The following CPEB3 variants were observed in gnomAD, a reference collection of about 807,000 sequenced individuals.
CPEB3 encodes cytoplasmic polyadenylation element binding protein 3, also known as cytoplasmic polyadenylation element-binding protein 3.
Under a neutral mutation model 67.2 loss-of-function variants are expected in CPEB3, and 20 were observed. The ratio of observed to expected loss-of-function variants is 0.30; its 90% CI spans 0.21 to 0.43. The LOEUF is 0.43. Among genes scored for constraint, CPEB3 ranks in the 20% least tolerant of loss-of-function variants. CPEB3 has a pLI of 1.00. For synonymous variants in CPEB3, 376 were observed against 393.1 expected, an observed-to-expected ratio of 0.96 and a Z score of 0.51; for missense variants, 746 against 968.6, an observed-to-expected ratio of 0.77 and a Z score of 3.05.
chr10:92,220,096 G>A (rs962788526), intron 2 of CPEB3, among the ~76,000 whole-genome samples: 3 of 152,002 alleles, frequency 2.0e-5, no homozygotes, highest in Non-Finnish European at 2.9e-5. Context: ...TGGAGGTTGC[G>A]GTGAGCGGAG....
At chr10:92,054,064 T>G (rs1017059443) in intron 9 of CPEB3, among the ~76,000 whole-genome samples, 5 of 152,224 alleles carry the variant, frequency 3.3e-5, no homozygotes, top group Non-Finnish European at 5.9e-5. Context: ...ATGTGCTTGT[T>G]GTCCATTTGT....
intron 4 of CPEB3, among the ~76,000 whole-genome samples, chr10:92,176,114 A>G (rs1200571175): frequency 6.8e-6 from 1 of 147,850 alleles, no homozygotes; most frequent in African/African-American, 2.5e-5. Context: ...AAATGTAACC[A>G]AATGACTTAC....
intron 9 of CPEB3, among the ~76,000 whole-genome samples, chr10:92,054,690 C>T (rs1479638012): frequency 6.6e-6 from 1 of 152,170 alleles, no homozygotes; most frequent in Non-Finnish European, 1.5e-5. Flanking sequence ...GATCCACCTG[C>T]CTTGGCCTCT....
intron 6 of CPEB3, among the ~76,000 whole-genome samples, chr10:92,132,705 A>C (rs1347003534): frequency 6.6e-6 from 1 of 152,196 alleles, no homozygotes; most frequent in Non-Finnish European, 1.5e-5. Flanking sequence ...CCAAATCAAC[A>C]GAACATACGT....
intron 4 of CPEB3, among the ~76,000 whole-genome samples, chr10:92,158,768 A>C (rs1334173303): frequency 6.6e-6 from 1 of 152,196 alleles, no homozygotes. Flanking sequence ...TTAATAATAC[A>C]GTGCTTTAAA....
intron 4 of CPEB3, among the ~76,000 whole-genome samples, chr10:92,162,810 C>T (rs1847553259): frequency 6.6e-6 from 1 of 152,128 alleles, no homozygotes; most frequent in South Asian, 2.1e-4. Flanking sequence ...ACATGTGACT[C>T]CCCAAGGGAA....
chr10:92,222,191 CCT>C (rs1430942570), intron 2 of CPEB3, among the ~76,000 whole-genome samples: 7 of 151,350 alleles, frequency 4.6e-5, no homozygotes, highest in Non-Finnish European at 8.8e-5. Flanking sequence ...TGTCTCCAAA[CCT>C]CTTTTTTTTT....
intron 1 of CPEB3, among the ~76,000 whole-genome samples, chr10:92,277,033 G>A (rs576267723): frequency 1.3e-5 from 2 of 152,022 alleles, no homozygotes; most frequent in Non-Finnish European, 2.9e-5. Context: ...ATATTATTGA[G>A]TTGAAGAGAT....
intron 3 of CPEB3, among the ~76,000 whole-genome samples, chr10:92,181,222 T>C (rs534773655): frequency 6.6e-6 from 1 of 150,674 alleles, no homozygotes; most frequent in African/African-American, 2.4e-5. Flanking sequence ...CAACAACAAA[T>C]AAATAAAAAA....
chr10:92,164,173 A>G (rs1227444093), intron 4 of CPEB3, among the ~76,000 whole-genome samples: 2 of 152,194 alleles, frequency 1.3e-5, no homozygotes, highest in Non-Finnish European at 2.9e-5. Flanking sequence ...CAAGGCAGCT[A>G]TCATTATACA....
chr10:92,146,360 C>T (rs1846680222), intron 4 of CPEB3, among the ~76,000 whole-genome samples: 1 of 151,732 alleles, frequency 6.6e-6, no homozygotes, highest in Non-Finnish European at 1.5e-5. Flanking sequence ...CACTAGGTTC[C>T]ACTCTAAAAA....
Position 92,048,617 on chromosome 10 carries a change from A to G in CPEB3, c.*3595T>C, listed in dbSNP as rs1397707118. ...ACACTAAACCACTGTGATAAAGGAA[A>G]AGGCTTCTCAAAATCTCACATGTTC... On this transcript the variant is annotated 3_prime_UTR_variant, in exon 10 of 10. Transcript: ENST00000265997. The surrounding 1 kb of genome is among the most constrained non-coding windows in gnomAD (Gnocchi z 4.1). The G allele has an allele frequency of 6.6e-6, 1 of 152,496 alleles. No individual in the cohort carries two copies. The highest frequency in any genetic ancestry group is 1.5e-5 in the Non-Finnish European group (1 of 68,012). 9.4% of individuals were successfully genotyped at this position (152,496 alleles called of 1,614,324 possible).
rs954834725 is a variant in CPEB3 at position 92,085,287 on chromosome 10, G to T, written c.1688-3786C>A. ...CAGACAGTGCTCATTGGTCTGTCTGGTCATGGTGGGAAGATGGCGGTCTAA... is the reference window on the plus strand; with the variant it reads ...CAGACAGTGCTCATTGGTCTGTCTGTTCATGGTGGGAAGATGGCGGTCTAA... On this transcript the variant is annotated intron_variant, in intron 8 of 9. Coordinates refer to ENST00000265997, the MANE Select transcript of CPEB3 (RefSeq NM_014912.5). Among the ~76,000 whole-genome samples the T allele has an allele frequency of 3.9e-5, 6 of 152,122 alleles. No individual in the cohort carries two copies. In the South Asian group the frequency reaches 1.2e-3, roughly 32 times the overall value.
At chr10:92,262,029 A>G (rs187604585) in intron 1 of CPEB3, among the ~76,000 whole-genome samples, 1 of 152,282 alleles carries the variant, frequency 6.6e-6, no homozygotes, top group East Asian at 1.9e-4. Flanking sequence ...GCTCTAACCA[A>G]CTGAAGCAAT....
intron 7 of CPEB3, among the ~76,000 whole-genome samples, chr10:92,098,776 T>C (rs1034178646): frequency 2.8e-5 from 4 of 145,398 alleles, no homozygotes; most frequent in African/African-American, 5.2e-5. Flanking sequence ...TTTTCTTTTT[T>C]TTTTTTTTTT....
chr10:92,114,678 A>C (rs758933023), intron 6 of CPEB3, among the ~76,000 whole-genome samples: 3 of 152,204 alleles, frequency 2.0e-5, no homozygotes, highest in Non-Finnish European at 4.4e-5. Context: ...CTTTATATTT[A>C]AGGAAATTAC....
At position 92,177,536 on chromosome 10, in the gene CPEB3, A is replaced by T. The variant is rs189721267; in HGVS notation, c.1222+3427T>A. 4.1e-4 allele frequency among the ~76,000 whole-genome samples: 63 copies of T among 152,344 alleles called. No homozygotes were observed. The East Asian group carries it at 0.012, about 28-fold the overall frequency. ...TAGATTCATGGTCTTGAACAGGAAA[A>T]ATCAGTAGACTCTTTGGTTTACACA... On this transcript the variant is annotated intron_variant, in intron 4 of 9. Transcript: ENST00000265997.
At chr10:92,073,789 A>T (rs921229511) in intron 9 of CPEB3, among the ~76,000 whole-genome samples, 2 of 152,034 alleles carry the variant, frequency 1.3e-5, no homozygotes, top group Non-Finnish European at 1.5e-5. Context: ...AGGGCGTCCA[A>T]AAAAGACAGC....
intron 7 of CPEB3, among the ~76,000 whole-genome samples, chr10:92,094,866 A>C (rs996476902): frequency 1.3e-5 from 2 of 151,586 alleles, no homozygotes; most frequent in African/African-American, 4.9e-5. Context: ...TCTACACATA[A>C]TCTCTCTTCT....
Sources: allele counts gnomAD v4.1 joint callset (sites outside exome capture counted in the v4.1 genomes callset), GRCh38; gene constraint gnomAD v4.1.1; non-coding constraint Gnocchi (gnomAD v3.1); transcripts MANE v1.5; gene names NCBI Gene and HGNC (gene_info 2026-07-23, HGNC 2026-07-21).